NUDT9: variants seen among roughly 807,000 people sequenced by gnomAD.
The protein encoded by NUDT9 is ADP-ribose pyrophosphatase.
Under a neutral mutation model 41.0 loss-of-function variants are expected in NUDT9, and 31 were observed. The ratio of observed to expected loss-of-function variants is 0.76; its 90% CI spans 0.57 to 1.02. The LOEUF (loss-of-function observed/expected upper bound fraction) is 1.02. NUDT9 is among the 50% of genes least tolerant of loss of function. The probability of loss-of-function intolerance (pLI) is 0.00; values close to 1 mark genes in which losing one functional copy is unlikely to be tolerated. For missense variants in NUDT9, 380 were observed against 431.4 expected, an observed-to-expected ratio of 0.88 and a Z score of 1.06; for synonymous variants, 146 against 147.6, an observed-to-expected ratio of 0.99 and a Z score of 0.08.
Position 87,445,216 on chromosome 4 carries a change from G to A in NUDT9, c.530+3301G>A, listed in dbSNP as rs370037022. 5.3e-5 allele frequency: 8 copies of A among 152,234 alleles called. No individual in the cohort carries two copies. The East Asian group carries it at 1.5e-3, about 29-fold the overall frequency. The allele number at this position is 152,234 out of a possible 1,614,324, so 9.4% of individuals were successfully genotyped here. A position where few individuals can be genotyped will look rare whatever the true frequency, so the allele number is the denominator to read the frequency against. On this transcript the variant is annotated intron_variant, in intron 4 of 7. Transcript: ENST00000302174. The stretch of plus-strand genomic sequence containing the variant: ...GGGTTAAGTTACTTGCCTAAATGTT[G>A]TAGATCTGACATCTGAATCAGGGGT...
At chr4:87,445,495 A>G (rs1199459613) in intron 4 of NUDT9, 1 of 152,180 alleles carries the variant, frequency 6.6e-6, no homozygotes, top group Non-Finnish European at 1.5e-5. Flanking sequence ...CATCTCTCCT[A>G]GAGATTGTCC....
chr4:87,446,180 T>C (rs1426416467), intron 4 of NUDT9, among the ~76,000 whole-genome samples: 1 of 152,008 alleles, frequency 6.6e-6, no homozygotes, highest in African/African-American at 2.4e-5. Flanking sequence ...TCCTTGCATG[T>C]GATGTGTAGT....
intron 4 of NUDT9, chr4:87,445,533 A>C (rs1265287577): frequency 1.3e-5 from 2 of 152,158 alleles, no homozygotes; most frequent in Non-Finnish European, 2.9e-5. Context: ...GTTTCTTCAG[A>C]TCCTCTAGAG....
At chr4:87,430,531 A>G (rs1313142593) in intron 1 of NUDT9, among the ~76,000 whole-genome samples, 1 of 152,234 alleles carries the variant, frequency 6.6e-6, no homozygotes, top group Non-Finnish European at 1.5e-5. Context: ...TTACAGAAAT[A>G]CAAATTGTTT....
At chr4:87,445,372 T>A (rs2110180595) in intron 4 of NUDT9, 1 of 152,276 alleles carries the variant, frequency 6.6e-6, no homozygotes, top group Non-Finnish European at 1.5e-5. Flanking sequence ...GAGCCAAGAT[T>A]TCACCCCCCT....
chr4:87,457,935 A>G lies in NUDT9; in HGVS notation c.967A>G (p.Ser323Gly), dbSNP rs1462683191. 5.0e-6 allele frequency: 8 copies of G among 1,603,310 alleles called. No individual in the cohort carries two copies. The highest frequency in any genetic ancestry group is 1.7e-4 in the Middle Eastern group (1 of 6,030). ...CAATGATAAACTGAAGCTTTATGCC[A>G]GTCACTCTCAATTCATCAAACTTGT... ...DINDKLKLYA[S>G]HSQFIKLVAE... Residue 323 changes from serine to glycine, a missense_variant, in exon 8 of 8, where the codon AGT becomes GGT. Coordinates refer to ENST00000302174, the MANE Select transcript of NUDT9 (RefSeq NM_024047.5).
chr4:87,428,048 C>T (rs11097155), intron 1 of NUDT9, among the ~76,000 whole-genome samples: 14,677 of 152,092 alleles, frequency 0.097, 1,029 homozygotes, highest in East Asian at 0.29. Context: ...GTGAATGAAC[C>T]TACTGCTTTT....
At chr4:87,448,491 T>C (rs1722565799) in intron 4 of NUDT9, among the ~76,000 whole-genome samples, 1 of 151,896 alleles carries the variant, frequency 6.6e-6, no homozygotes, top group African/African-American at 2.4e-5. Flanking sequence ...ATTTTTTTTT[T>C]CTTATTTTTA....
rs1042442260 is a variant in NUDT9, at chr4:87,422,792, A to G, written c.-114A>G. The G allele has an allele frequency of 2.8e-5, 19 of 686,892 alleles. No individual in the cohort carries two copies. The highest frequency in any genetic ancestry group is 4.0e-5 in the Non-Finnish European group (16 of 404,418). The allele number at this position is 686,892 out of a possible 1,614,324, so 42.5% of individuals were successfully genotyped here. On this transcript the variant is annotated 5_prime_UTR_variant, in exon 1 of 8. Transcript: ENST00000302174. ...CCCGTTCGGGAACCCAACGGCAGACAGGTCCTAGTGCCCATCAGATACCCG... is the reference window on the plus strand; with the variant it reads ...CCCGTTCGGGAACCCAACGGCAGACGGGTCCTAGTGCCCATCAGATACCCG...
In NUDT9 at chr4:87,451,684, G is replaced by T. The variant is rs751688380; in HGVS notation, c.738G>T (p.Lys246Asn). ...LNSLQKTSAE[K>N]REIEEKLHKL... ...CCTTACAGAAAACCAGTGCTGAGAA[G>T]AGAGAAATAGAGGAAAAGTTGCACA... The change falls in exon 6 of 8, where the codon AAG becomes AAT. Residue 246 changes from lysine to asparagine, a missense_variant. By Grantham distance (94) the Lys-to-Asn change is moderately conservative. Transcript: ENST00000302174. The T allele has an allele frequency of 7.4e-6, 12 of 1,613,934 alleles. No individual in the cohort carries two copies. The highest frequency in any genetic ancestry group is 1.7e-4 in the Middle Eastern group (1 of 6,058).
rs185094568 is a variant in NUDT9, at chr4:87,435,993, A to G, written c.347+773A>G. ...GCGAGTTTCAAGTATACAATACTGT[A>G]TTATTACTATTTTTGAGACTGGTGC... On this transcript the variant is annotated intron_variant, in intron 2 of 7. Coordinates refer to ENST00000302174, the MANE Select transcript of NUDT9 (RefSeq NM_024047.5). Among the ~76,000 whole-genome samples the G allele has an allele frequency of 8.0e-5, 12 of 150,368 alleles. No homozygotes were observed. In the East Asian group the frequency reaches 2.1e-3, roughly 27 times the overall value.
At chr4:87,423,199 C>T (rs1721230645) in intron 1 of NUDT9, among the ~76,000 whole-genome samples, 187 bp downstream of exon 1, 1 of 152,100 alleles carries the variant, frequency 6.6e-6, no homozygotes, top group Admixed American at 6.5e-5. Context: ...TGGCAGGGAC[C>T]CTTCTTGACT....
intron 7 of NUDT9, among the ~76,000 whole-genome samples, chr4:87,454,825 A>T (rs898728773): frequency 1.4e-4 from 22 of 152,168 alleles, no homozygotes; most frequent in African/African-American, 4.6e-4. Context: ...AGGAAATGGG[A>T]TTTATATCTT....
intron 1 of NUDT9, among the ~76,000 whole-genome samples, chr4:87,429,257 TC>T (rs2110160929): frequency 6.6e-6 from 1 of 152,180 alleles, no homozygotes; most frequent in African/African-American, 2.4e-5. Flanking sequence ...ACTCAGGAGA[TC>T]CTCCCACCTC....
intron 1 of NUDT9, among the ~76,000 whole-genome samples, chr4:87,424,516 C>G (rs1372186315): frequency 6.6e-6 from 1 of 152,168 alleles, no homozygotes; most frequent in African/African-American, 2.4e-5. Context: ...CCCGTCTCGG[C>G]CTCCCAAAGT....
At chr4:87,425,765 C>T (rs184426272) in intron 1 of NUDT9, among the ~76,000 whole-genome samples, 34 of 150,318 alleles carry the variant, frequency 2.3e-4, no homozygotes, top group Admixed American at 1.3e-3. Flanking sequence ...TTGGAAAAAC[C>T]CAGAAAGTGA....
chr4:87,447,849 A>G (rs1415323915), intron 4 of NUDT9, among the ~76,000 whole-genome samples: 1 of 151,918 alleles, frequency 6.6e-6, no homozygotes, highest in African/African-American at 2.4e-5. Context: ...GCTGGGTAAC[A>G]TAGCAGGAGA....
intron 7 of NUDT9, 64 bp downstream of exon 7, chr4:87,454,519 G>A: frequency 9.6e-6 from 10 of 1,041,294 alleles, no homozygotes; most frequent in Non-Finnish European, 1.2e-5. Context: ...AGCCCACTAA[G>A]GCATGATTAA....
At chr4:87,440,809 G>T (rs1471129240) in intron 3 of NUDT9, among the ~76,000 whole-genome samples, 2 of 151,704 alleles carry the variant, frequency 1.3e-5, no homozygotes, top group Admixed American at 6.6e-5. Context: ...TCATGCCACC[G>T]CACTCCAGCG....
Sources: allele counts gnomAD v4.1 joint callset (sites outside exome capture counted in the v4.1 genomes callset), GRCh38; gene constraint gnomAD v4.1.1; transcripts MANE v1.5; gene names NCBI Gene and HGNC (gene_info 2026-07-23, HGNC 2026-07-21).